LUZP2: variants seen among roughly 807,000 people sequenced by gnomAD.
The protein encoded by LUZP2 is leucine zipper protein 2.
A neutral mutation model predicts 51.6 loss-of-function variants in LUZP2; 52 were observed. The observed-to-expected ratio is 1.01, with a 90% CI of 0.81 to 1.27. The LOEUF (loss-of-function observed/expected upper bound fraction) is 1.27. Among genes scored for constraint, LUZP2 ranks in the 50% most tolerant of loss-of-function variants. The pLI, the probability that LUZP2 is intolerant of heterozygous loss-of-function variation, is 0.00. For synonymous variants in LUZP2, 154 were observed against 137.3 expected, an observed-to-expected ratio of 1.12 and a Z score of -0.85; for missense variants, 436 against 395.4, an observed-to-expected ratio of 1.10 and a Z score of -0.87.
In LUZP2 at chr11:24,983,220, C is replaced by G. The variant is rs1377740194; in HGVS notation, c.692C>G (p.Ser231Ter). The part of the protein sequence containing the change: ...QPPPPLSLIT[S>*]NPTRMLLPPR... ...CCTCCCCCTTTGAGTTTAATCACAT[C>G]AAATCCAACTCGGATGTTACTCCCA... is the stretch of plus-strand genomic sequence containing the variant. The change falls in exon 9 of 12, where the codon TCA becomes TGA. Residue 231 changes from serine (S) to a stop codon, truncating the protein, a stop_gained. Coordinates refer to ENST00000336930, the MANE Select transcript of LUZP2 (RefSeq NM_001009909.4). LOFTEE classifies it high-confidence loss of function. 1.2e-6 allele frequency: 2 copies of G among 1,612,326 alleles called. No individual in the cohort carries two copies. Among genetic ancestry groups the G allele is most frequent in the Non-Finnish European group, 1.7e-6 (2 of 1,178,892 alleles).
chr11:24,744,482 C>T (rs1859301888), intron 4 of LUZP2, among the ~76,000 whole-genome samples: 1 of 151,996 alleles, frequency 6.6e-6, no homozygotes. Flanking sequence ...TCTAGGTTTC[C>T]TAGTTTATGT....
intron 5 of LUZP2, chr11:24,891,223 G>T: frequency 6.1e-6 from 6 of 984,934 alleles, no homozygotes; most frequent in Non-Finnish European, 7.2e-6. Context: ...CAACTTTGGT[G>T]ATAAGGCAAT....
At chr11:24,856,613 A>C (rs1050631141) in intron 5 of LUZP2, among the ~76,000 whole-genome samples, 2 of 152,108 alleles carry the variant, frequency 1.3e-5, no homozygotes, top group African/African-American at 4.8e-5. Flanking sequence ...TATATCAAAA[A>C]GATACTTGTA....
chr11:24,872,428 G>T (rs558647827), intron 5 of LUZP2, among the ~76,000 whole-genome samples: 2 of 152,210 alleles, frequency 1.3e-5, no homozygotes, highest in East Asian at 3.9e-4. Flanking sequence ...TTTGTTCCCT[G>T]CCCTGGCTGT....
intron 1 of LUZP2, among the ~76,000 whole-genome samples, chr11:24,703,481 A>G (rs2050161367): frequency 6.6e-6 from 1 of 152,136 alleles, no homozygotes; most frequent in Admixed American, 6.6e-5. Flanking sequence ...ATACTACTAA[A>G]ATAGACACAG....
chr11:24,658,452 G>A (rs945004589), intron 1 of LUZP2, among the ~76,000 whole-genome samples: 29 of 152,062 alleles, frequency 1.9e-4, no homozygotes, highest in Non-Finnish European at 3.2e-4. Context: ...TTAAATGTTA[G>A]ACCTAAAACC....
chr11:24,588,473 C>T (rs1858156), intron 1 of LUZP2, among the ~76,000 whole-genome samples: 65,318 of 151,762 alleles, frequency 0.43, 15,167 homozygotes, highest in East Asian at 0.59. Flanking sequence ...GAAATGTAGA[C>T]AAAGGCAAAA....
chr11:24,694,424 T>C (rs1191390083), intron 1 of LUZP2, among the ~76,000 whole-genome samples: 1 of 152,128 alleles, frequency 6.6e-6, no homozygotes, highest in Non-Finnish European at 1.5e-5. Flanking sequence ...CTTTTGTGTT[T>C]ATTGTTTTCA....
intron 1 of LUZP2, among the ~76,000 whole-genome samples, chr11:24,678,239 A>G (rs934513533): frequency 2.6e-5 from 4 of 152,162 alleles, no homozygotes; most frequent in Non-Finnish European, 5.9e-5. Flanking sequence ...CATAGTAACC[A>G]TTCAATACGT....
At chr11:24,861,910 C>T (rs148289325) in intron 5 of LUZP2, among the ~76,000 whole-genome samples, 14 of 152,260 alleles carry the variant, frequency 9.2e-5, no homozygotes, top group Non-Finnish European at 1.8e-4. Context: ...AGTAAACAAG[C>T]CTGTTTATGA....
chr11:24,650,518 A>C (rs1855595710), intron 1 of LUZP2, among the ~76,000 whole-genome samples: 1 of 152,018 alleles, frequency 6.6e-6, no homozygotes, highest in Non-Finnish European at 1.5e-5. Context: ...TTGGAAGGAG[A>C]TCTTCTGTGG....
rs544336030 is a variant in LUZP2, at chr11:25,067,237, T to C, written c.859-10092T>C. On this transcript the variant is annotated intron_variant, in intron 10 of 11. Transcript: ENST00000336930. ...GCCACTTTTTGATGAAGTTGTTTTT[T>C]TCTGTAACTTTGTTTAAGTTCTTTT... is the stretch of plus-strand genomic sequence containing the variant. 2.6e-5 allele frequency among the ~76,000 whole-genome samples: 4 copies of C among 152,190 alleles called. No homozygotes were observed. The East Asian group carries it at 7.7e-4, about 29-fold the overall frequency.
chr11:25,073,521 A>C (rs935276735), intron 10 of LUZP2, among the ~76,000 whole-genome samples: 1 of 152,016 alleles, frequency 6.6e-6, no homozygotes, highest in Non-Finnish European at 1.5e-5. Flanking sequence ...CTCTGGGACA[A>C]GTTAGCCTAA....
At chr11:24,635,348 G>A (rs1437423976) in intron 1 of LUZP2, among the ~76,000 whole-genome samples, 1 of 151,528 alleles carries the variant, frequency 6.6e-6, no homozygotes, top group African/African-American at 2.4e-5. Context: ...AAAAATAATT[G>A]GCATTAAAAA....
chr11:24,551,586 G>A (rs1434308121), intron 1 of LUZP2, among the ~76,000 whole-genome samples: 2 of 151,926 alleles, frequency 1.3e-5, no homozygotes, highest in Non-Finnish European at 2.9e-5. Context: ...GAATATGATG[G>A]TGTGTGAAAT....
chr11:24,579,943 G>A (rs1056817609), intron 1 of LUZP2, among the ~76,000 whole-genome samples: 2 of 152,018 alleles, frequency 1.3e-5, no homozygotes, highest in African/African-American at 4.8e-5. Context: ...ATTATACTAT[G>A]TTCATGGAAT....
At chr11:24,726,747 C>T (rs1858491264) in intron 1 of LUZP2, among the ~76,000 whole-genome samples, 1 of 151,972 alleles carries the variant, frequency 6.6e-6, no homozygotes, top group South Asian at 2.1e-4. Context: ...ATGGAAAGTG[C>T]TCTAAGACAT....
At chr11:24,930,514 G>C (rs1175445391) in intron 7 of LUZP2, among the ~76,000 whole-genome samples, 1 of 152,092 alleles carries the variant, frequency 6.6e-6, no homozygotes, top group Non-Finnish European at 1.5e-5. Flanking sequence ...ATTCTTGGCT[G>C]GTAATTGTTT....
chr11:24,861,914 T>G (rs967526007), intron 5 of LUZP2, among the ~76,000 whole-genome samples: 1 of 152,068 alleles, frequency 6.6e-6, no homozygotes, highest in Admixed American at 6.6e-5. Context: ...AACAAGCCTG[T>G]TTATGATAAA....
Sources: allele counts gnomAD v4.1 joint callset (sites outside exome capture counted in the v4.1 genomes callset), GRCh38; gene constraint gnomAD v4.1.1; transcripts MANE v1.5; gene names NCBI Gene and HGNC (gene_info 2026-07-23, HGNC 2026-07-21).